SDC2: variants seen among roughly 807,000 people sequenced by gnomAD.
SDC2 encodes the protein syndecan 2.
In SDC2, 13 loss-of-function variants were observed where a neutral mutation model predicts 22.2. The observed-to-expected ratio is 0.59, with a 90% CI of 0.38 to 0.93. The LOEUF is 0.93. Among genes scored for constraint, SDC2 ranks in the 40% least tolerant of loss-of-function variants. The pLI, the probability that SDC2 is intolerant of heterozygous loss-of-function variation, is 0.00. For synonymous variants in SDC2, 94 were observed against 92.8 expected (o/e 1.01, Z -0.07); for missense variants, 235 against 246.8 (o/e 0.95, Z 0.32).
In SDC2 at chr8:96,551,743, A is replaced by C. The variant is rs986884590; in HGVS notation, c.61-41737A>C. ...ATATGCCAAGAAAGAGATCTTACTC[A>C]GTAAGTTTGGCAGGCCTCCATATTT... On this transcript the variant is annotated intron_variant, in intron 1 of 4. Coordinates refer to ENST00000302190, the MANE Select transcript of SDC2 (RefSeq NM_002998.4). Among the ~76,000 whole-genome samples, 3 of 152,346 alleles carry C rather than the reference A, an allele frequency of 2.0e-5. No homozygotes were observed. The South Asian group carries it at 6.2e-4, about 32-fold the overall frequency.
At chr8:96,569,909 C>T (rs1273627164) in intron 1 of SDC2, among the ~76,000 whole-genome samples, 2 of 152,034 alleles carry the variant, frequency 1.3e-5, no homozygotes, top group Non-Finnish European at 2.9e-5. Context: ...CATGTGCTCT[C>T]TGGGAAAGGA....
intron 1 of SDC2, among the ~76,000 whole-genome samples, chr8:96,506,295 A>G (rs893747501): frequency 1.3e-5 from 2 of 152,210 alleles, no homozygotes; most frequent in Non-Finnish European, 2.9e-5. Flanking sequence ...TATTTCTATC[A>G]GGGGAGAAAG....
intron 1 of SDC2, among the ~76,000 whole-genome samples, chr8:96,591,366 A>C (rs1814778403): frequency 6.6e-6 from 1 of 152,230 alleles, no homozygotes; most frequent in African/African-American, 2.4e-5. Flanking sequence ...TCCTAGGCTT[A>C]AAATGGAGAG....
At chr8:96,513,635 C>G (rs1387649036) in intron 1 of SDC2, among the ~76,000 whole-genome samples, 5 of 152,160 alleles carry the variant, frequency 3.3e-5, no homozygotes, top group African/African-American at 9.7e-5. Context: ...ACAAAAACAT[C>G]TTTTGGTAGT....
At chr8:96,548,171 C>CAA (rs1813966628) in intron 1 of SDC2, among the ~76,000 whole-genome samples, 1 of 152,126 alleles carries the variant, frequency 6.6e-6, no homozygotes, top group Non-Finnish European at 1.5e-5. Context: ...CTACTATTTG[C>CAA]TAGGTGGAGC....
chr8:96,558,300 A>T (rs1387957694), intron 1 of SDC2, among the ~76,000 whole-genome samples: 1 of 152,110 alleles, frequency 6.6e-6, no homozygotes, highest in East Asian at 1.9e-4. Flanking sequence ...GAGTTTGGGC[A>T]TTGGGAGCAA....
At chr8:96,549,118 A>T (rs1376249679) in intron 1 of SDC2, among the ~76,000 whole-genome samples, 1 of 152,156 alleles carries the variant, frequency 6.6e-6, no homozygotes, top group Non-Finnish European at 1.5e-5. Flanking sequence ...AGGTAATCTG[A>T]GTATAGGAAT....
At position 96,608,368 on chromosome 8, in the gene SDC2, C is replaced by G. The variant is rs543541434; in HGVS notation, c.340C>G (p.Leu114Val). 9 of 1,613,642 alleles carry G rather than the reference C, an allele frequency of 5.6e-6. No homozygotes were observed. In the African/African-American group the frequency reaches 8.0e-5, roughly 14 times the overall value. ...AGAAACTGATAAAGAGAAAGTTCAC[C>G]TCTCTGACTCAGAAAGGAAAATGGA... ...PEETDKEKVH[L>V]SDSERKMDPA... Residue 114 changes from leucine (L) to valine (V), a missense_variant, in exon 4 of 5, where the codon CTC becomes GTC. By Grantham distance (32) the Leu-to-Val change is conservative. Transcript: ENST00000302190.
At chr8:96,570,709 A>C (rs919822428) in intron 1 of SDC2, among the ~76,000 whole-genome samples, 2 of 152,198 alleles carry the variant, frequency 1.3e-5, no homozygotes, top group East Asian at 3.8e-4. Flanking sequence ...ACTTAGTATG[A>C]AAAAAATATA....
intron 1 of SDC2, among the ~76,000 whole-genome samples, chr8:96,494,679 G>C (rs1245594476): frequency 2.6e-5 from 4 of 152,150 alleles, no homozygotes; most frequent in South Asian, 4.1e-4. Context: ...CAGGAGGGGG[G>C]AGCCTGGGTC....
chr8:96,535,470 C>T (rs890935229), intron 1 of SDC2, among the ~76,000 whole-genome samples: 3 of 152,212 alleles, frequency 2.0e-5, no homozygotes, highest in African/African-American at 7.2e-5. Flanking sequence ...CAACTTTTTA[C>T]CCACACGGCA....
chr8:96,568,046 G>A (rs934855100), intron 1 of SDC2, among the ~76,000 whole-genome samples: 5 of 152,202 alleles, frequency 3.3e-5, no homozygotes, highest in Non-Finnish European at 5.9e-5. Flanking sequence ...CTTTACCCTA[G>A]TGTATGGCAG....
At chr8:96,576,757 G>C (rs112139619) in intron 1 of SDC2, among the ~76,000 whole-genome samples, 108 of 152,154 alleles carry the variant, frequency 7.1e-4, no homozygotes, top group African/African-American at 2.6e-3. Context: ...TTGTTTGGTT[G>C]TACCATTGAC....
chr8:96,602,317 G>T, intron 2 of SDC2, 78 bp from the exon 3 acceptor site: 1 of 1,403,926 alleles, frequency 7.1e-7, no homozygotes, highest in Non-Finnish European at 9.9e-7. Context: ...CAGTGTCAAC[G>T]TCAGGCAATA....
intron 1 of SDC2, among the ~76,000 whole-genome samples, chr8:96,522,587 CTGTGCTGATA>C (rs764866013): frequency 5.9e-5 from 9 of 152,176 alleles, no homozygotes; most frequent in Non-Finnish European, 1.2e-4. Context: ...TGTCTCTGTA[CTGTGCTGATA>C]TCAGAGGAGT....
intron 1 of SDC2, among the ~76,000 whole-genome samples, chr8:96,513,998 C>G (rs757607796): frequency 6.6e-6 from 1 of 152,188 alleles, no homozygotes. Flanking sequence ...GAGTGCTGAG[C>G]AACTTAAACT....
chr8:96,571,592 T>C (rs1024752201), intron 1 of SDC2, among the ~76,000 whole-genome samples: 2 of 152,228 alleles, frequency 1.3e-5, no homozygotes, highest in Non-Finnish European at 2.9e-5. Context: ...ATGTACTTGT[T>C]TGGCTAGCAG....
intron 1 of SDC2, among the ~76,000 whole-genome samples, chr8:96,582,975 A>G (rs1301732109): frequency 1.3e-5 from 2 of 151,134 alleles, no homozygotes; most frequent in African/African-American, 2.4e-5. Flanking sequence ...ATTTTATTAG[A>G]CCTTTTGCCT....
chr8:96,607,069 G>C (rs1815092752), intron 3 of SDC2, among the ~76,000 whole-genome samples: 1 of 152,196 alleles, frequency 6.6e-6, no homozygotes, highest in South Asian at 2.1e-4. Flanking sequence ...AACTGTGCCT[G>C]TTGTGCTCCT....
Sources: allele counts gnomAD v4.1 joint callset (sites outside exome capture counted in the v4.1 genomes callset), GRCh38; gene constraint gnomAD v4.1.1; transcripts MANE v1.5; gene names NCBI Gene and HGNC (gene_info 2026-07-23, HGNC 2026-07-21).